AGMO: variants seen among roughly 807,000 people sequenced by gnomAD.
AGMO encodes the protein glyceryl-ether monooxygenase.
AGMO carries 75 observed loss-of-function variants against 60.2 expected under a neutral mutation model. The observed-to-expected ratio is 1.25, with a 90% CI of 1.03 to 1.51. The LOEUF is 1.51. AGMO is among the 40% of genes most tolerant of loss of function. The pLI is 0.00. For missense variants in AGMO, 763 were observed against 525.5 expected (o/e 1.45, Z -4.42); for synonymous variants, 261 against 177.1 (o/e 1.47, Z -3.76).
At chr7:15,308,079 A>G (rs954298537) in intron 12 of AGMO, among the ~76,000 whole-genome samples, 5 of 151,962 alleles carry the variant, frequency 3.3e-5, no homozygotes, top group African/African-American at 1.2e-4. Context: ...TTTTCCATCC[A>G]TTACCCACAG....
At chr7:15,429,632 T>C (rs1262440270) in intron 4 of AGMO, among the ~76,000 whole-genome samples, 1 of 152,014 alleles carries the variant, frequency 6.6e-6, no homozygotes, top group Non-Finnish European at 1.5e-5. Flanking sequence ...ACAAGCGTCA[T>C]CACAGGTGTA....
chr7:15,555,290 TATACACAC>T (rs1465966179), intron 2 of AGMO, among the ~76,000 whole-genome samples: 3,759 of 103,282 alleles, frequency 0.036, 92 homozygotes, highest in East Asian at 0.15. Flanking sequence ...TATATATATA[TATACACAC>T]ACACACACAC....
chr7:15,547,742 G>T (rs1295020222), intron 2 of AGMO, among the ~76,000 whole-genome samples: 3 of 151,978 alleles, frequency 2.0e-5, no homozygotes, highest in Non-Finnish European at 4.4e-5. Flanking sequence ...CTGGGGGAGG[G>T]GCGCCCGCCA....
At chr7:15,198,252 AGAGACAGAGACAGAGAGAGAGTGT>A (rs1781183990), downstream of AGMO, among the ~76,000 whole-genome samples, 2 of 61,724 alleles carry the variant, frequency 3.2e-5, no homozygotes, top group Non-Finnish European at 2.8e-5. Flanking sequence ...AGAGAGAGAG[AGAGACAGAGACAGAGAGAGAGTGT>A]GTTAAAGTCC....
the AGMO span, among the ~76,000 whole-genome samples, chr7:15,118,173 A>ACACACACACACACAC: frequency 4.8e-5 from 7 of 144,590 alleles, no homozygotes; most frequent in African/African-American, 7.8e-5. Flanking sequence ...ACTAAAGAGA[A>ACACACACACACACAC]ACACACACAC....
intron 3 of AGMO, among the ~76,000 whole-genome samples, chr7:15,487,666 T>G (rs923335542): frequency 1.3e-5 from 2 of 152,140 alleles, no homozygotes; most frequent in South Asian, 2.1e-4. Context: ...CGTCCTTATA[T>G]GATTTAAACA....
chr7:15,201,543 G>A (rs896140317), intron 12 of AGMO, among the ~76,000 whole-genome samples, 184 bp from the exon 13 acceptor site: 1 of 152,114 alleles, frequency 6.6e-6, no homozygotes, highest in African/African-American at 2.4e-5. Context: ...AACATGGTGT[G>A]TGAAGACAGG....
chr7:15,363,778 C>A (rs777728149), intron 12 of AGMO, among the ~76,000 whole-genome samples: 19 of 152,034 alleles, frequency 1.2e-4, no homozygotes, highest in Non-Finnish European at 2.5e-4. Context: ...ATGTAAGGAA[C>A]CTATGTTCTC....
chr7:15,170,366 GTTTATT>G, the AGMO span, among the ~76,000 whole-genome samples: 1 of 63,272 alleles, frequency 1.6e-5, no homozygotes, highest in African/African-American at 3.5e-5. Flanking sequence ...TTTTGTAGTT[GTTTATT>G]TTTATTACAC....
At chr7:15,408,430 G>A (rs902767327) in intron 5 of AGMO, among the ~76,000 whole-genome samples, 1 of 151,814 alleles carries the variant, frequency 6.6e-6, no homozygotes. Context: ...AACCATCTAT[G>A]TAATTGATGA....
intron 12 of AGMO, among the ~76,000 whole-genome samples, chr7:15,246,243 C>T (rs1016094055): frequency 6.6e-6 from 1 of 151,908 alleles, no homozygotes; most frequent in African/African-American, 2.4e-5. Flanking sequence ...AATAAATAAG[C>T]GTTTTTTCCA....
chr7:15,122,888 A>G, the AGMO span, among the ~76,000 whole-genome samples: 1 of 151,922 alleles, frequency 6.6e-6, no homozygotes, highest in Non-Finnish European at 1.5e-5. Context: ...TAAAACTTAA[A>G]TATAATCATG....
intron 3 of AGMO, among the ~76,000 whole-genome samples, chr7:15,536,502 G>C (rs1331868406): frequency 2.0e-5 from 3 of 151,824 alleles, no homozygotes; most frequent in Non-Finnish European, 4.4e-5. Context: ...ATGGCAATGA[G>C]AGGACAGTTT....
chr7:15,158,577 T>C, the AGMO span, among the ~76,000 whole-genome samples: 3 of 152,338 alleles, frequency 2.0e-5, no homozygotes, highest in East Asian at 5.8e-4. Flanking sequence ...ATAGCATTCA[T>C]GCAAAGGAAA....
intron 10 of AGMO, among the ~76,000 whole-genome samples, chr7:15,376,148 C>G (rs1783441315): frequency 6.6e-6 from 1 of 151,916 alleles, no homozygotes; most frequent in Non-Finnish European, 1.5e-5. Flanking sequence ...CATTTCATGC[C>G]TTTGTATTAT....
chr7:15,275,501 G>T (rs1257620666), intron 12 of AGMO, among the ~76,000 whole-genome samples: 1 of 151,530 alleles, frequency 6.6e-6, no homozygotes, highest in Non-Finnish European at 1.5e-5. Flanking sequence ...ATGCACAGAT[G>T]AAAAAAAATG....
chr7:15,510,232 C>T (rs1213491151), intron 3 of AGMO, among the ~76,000 whole-genome samples: 1 of 152,040 alleles, frequency 6.6e-6, no homozygotes, highest in South Asian at 2.1e-4. Context: ...ATGGTGTGAA[C>T]ATGTCTCACT....
chr7:15,222,618 T>C (rs1165965748), intron 12 of AGMO, among the ~76,000 whole-genome samples: 1 of 152,058 alleles, frequency 6.6e-6, no homozygotes, highest in Non-Finnish European at 1.5e-5. Flanking sequence ...TCCTCTTCAT[T>C]TGTTAAATAA....
chr7:15,299,886 C>CACACACACACACACACACAA (rs774065679), intron 12 of AGMO, among the ~76,000 whole-genome samples: 8 of 114,690 alleles, frequency 7.0e-5, no homozygotes, highest in South Asian at 3.0e-4. Flanking sequence ...CACACACACA[C>CACACACACACACACACACAA]AGTATGTTTT....
Sources: gnomAD v4.1 joint callset for allele counts (sites outside exome capture counted in the v4.1 genomes callset) on GRCh38, gnomAD v4.1.1 for gene constraint, MANE v1.5 for transcripts, NCBI Gene and HGNC (gene_info 2026-07-23, HGNC 2026-07-21) for gene names.